The following BLTP2 variants were observed in gnomAD, a reference collection of about 807,000 sequenced individuals.
BLTP2 encodes U937-associated antigen.
the BLTP2 span, chr17:28,631,986 G>A: frequency 1.2e-6 from 2 of 1,606,014 alleles, no homozygotes; most frequent in Admixed American, 1.7e-5. Context: ...GACTCAATAT[G>A]AGAAACAAGA....
chr17:28,640,473 C>T, the BLTP2 span: 2 of 1,397,832 alleles, frequency 1.4e-6, no homozygotes, highest in Non-Finnish European at 2.0e-6. Context: ...CGTAGACAAG[C>T]TCAGCAAATA....
the BLTP2 span, chr17:28,639,943 T>C: frequency 1.2e-6 from 2 of 1,614,082 alleles, no homozygotes; most frequent in East Asian, 2.2e-5. Context: ...ATATCAGAGT[T>C]TGCTGTGAAG....
At chr17:28,639,478 G>A in the BLTP2 span, 2 of 1,613,314 alleles carry the variant, frequency 1.2e-6, no homozygotes, top group South Asian at 1.1e-5. Flanking sequence ...AAGAAGACCA[G>A]AACTGTGGGT....
At chr17:28,643,374 C>T in the BLTP2 span, 219 of 1,587,884 alleles carry the variant, frequency 1.4e-4, no homozygotes, top group Non-Finnish European at 1.8e-4. Context: ...CTATTCCCCA[C>T]CCTCACATTC....
the BLTP2 span, chr17:28,620,740 G>T: frequency 3.3e-5 from 42 of 1,258,536 alleles, no homozygotes; most frequent in South Asian, 5.7e-4. Context: ...CACAGAAAGG[G>T]TGAGAGTTGC....
the BLTP2 span, chr17:28,645,029 C>T: frequency 1.4e-5 from 23 of 1,601,600 alleles, no homozygotes; most frequent in Middle Eastern, 3.3e-4. Flanking sequence ...AGCAGCAAGA[C>T]CAACAGCGCG....
chr17:28,642,342 A>C, the BLTP2 span: 1 of 1,614,136 alleles, frequency 6.2e-7, no homozygotes, highest in Non-Finnish European at 8.5e-7. Context: ...TAGCCTGGGA[A>C]AGGAAAAAAA....
the BLTP2 span, chr17:28,643,910 A>G: frequency 9.2e-7 from 1 of 1,083,568 alleles, no homozygotes; most frequent in Non-Finnish European, 1.3e-6. Flanking sequence ...TTCTCCAACT[A>G]GCTCTAAGAT....
At chr17:28,639,718 C>T in the BLTP2 span, 22 of 1,462,904 alleles carry the variant, frequency 1.5e-5, no homozygotes, top group African/African-American at 2.0e-4. Context: ...GGTCAGAAGC[C>T]GGCAAAGGGA....
the BLTP2 span, chr17:28,639,431 T>C: frequency 6.2e-7 from 1 of 1,612,970 alleles, no homozygotes; most frequent in Admixed American, 1.7e-5. Flanking sequence ...TGTTCAGAAC[T>C]AGGGAGGCTG....
the BLTP2 span, chr17:28,643,343 G>A: frequency 6.2e-6 from 10 of 1,612,800 alleles, no homozygotes; most frequent in South Asian, 1.1e-4. Context: ...CTGCCACCAG[G>A]TCCATCCCTC....
At chr17:28,642,795 C>A in the BLTP2 span, 1 of 809,104 alleles carries the variant, frequency 1.2e-6, no homozygotes. Flanking sequence ...GAACTTAACA[C>A]CTTGATAAGG....
chr17:28,634,354 G>A, the BLTP2 span, among the ~76,000 whole-genome samples: 3 of 152,066 alleles, frequency 2.0e-5, no homozygotes, highest in Admixed American at 6.6e-5. Flanking sequence ...ATTTCACGGT[G>A]AAATTCAGGA....
chr17:28,619,684 A>AGT, the BLTP2 span: 1 of 1,614,076 alleles, frequency 6.2e-7, no homozygotes, highest in Non-Finnish European at 8.5e-7. Flanking sequence ...TTCACTTTCC[A>AGT]GCTGCAGGTT....
At chr17:28,632,066 G>A in the BLTP2 span, 1 of 1,613,552 alleles carries the variant, frequency 6.2e-7, no homozygotes, top group Non-Finnish European at 8.5e-7. Context: ...TGGGGAAAGA[G>A]GGCTGTATAG....
At chr17:28,626,787 C>T in the BLTP2 span, among the ~76,000 whole-genome samples, 1 of 152,242 alleles carries the variant, frequency 6.6e-6, no homozygotes, top group Non-Finnish European at 1.5e-5. Context: ...ATACCTCGCA[C>T]TATGCATCTC....
At chr17:28,629,237 TTTTA>T in the BLTP2 span, among the ~76,000 whole-genome samples, 5 of 151,310 alleles carry the variant, frequency 3.3e-5, no homozygotes, top group African/African-American at 1.2e-4. Flanking sequence ...ATTTATTTAT[TTTTA>T]TTTATTTATT....
At chr17:28,621,392 G>A in the BLTP2 span, 13 of 1,611,114 alleles carry the variant, frequency 8.1e-6, no homozygotes, top group South Asian at 1.3e-4. Context: ...GGAGGGGGAG[G>A]GCTGACCTGT....
the BLTP2 span, chr17:28,642,271 T>G: frequency 6.2e-7 from 1 of 1,614,078 alleles, no homozygotes; most frequent in Non-Finnish European, 8.5e-7. Context: ...CATGGCATAC[T>G]TACCAGCTGA....
Sources: gnomAD v4.1 joint callset for allele counts (sites outside exome capture counted in the v4.1 genomes callset) on GRCh38, gnomAD v4.1.1 for gene constraint, MANE v1.5 for transcripts, NCBI Gene and HGNC (gene_info 2026-07-23, HGNC 2026-07-21) for gene names.